The following SH3RF1 variants were observed in gnomAD, a reference collection of about 807,000 sequenced individuals.
The protein encoded by SH3RF1 is E3 ubiquitin-protein ligase SH3RF1.
In SH3RF1, 32 loss-of-function variants were observed where a neutral mutation model predicts 74.0. The observed-to-expected ratio is 0.43, with a 90% CI of 0.33 to 0.58. SH3RF1 has a LOEUF of 0.58. Among genes scored for constraint, SH3RF1 ranks in the 20% least tolerant of loss-of-function variants. The probability of loss-of-function intolerance (pLI) is 0.05; values close to 1 mark genes in which losing one functional copy is unlikely to be tolerated. For synonymous variants in SH3RF1, 396 were observed against 439.6 expected, an observed-to-expected ratio of 0.90 and a Z score of 1.24; for missense variants, 954 against 1,130.9, an observed-to-expected ratio of 0.84 and a Z score of 2.24.
chr4:169,140,401 T>C (rs59325299), intron 4 of SH3RF1, among the ~76,000 whole-genome samples: 28,324 of 152,172 alleles, frequency 0.19, 2,677 homozygotes, highest in Middle Eastern at 0.22. Context: ...CTAAAATACC[T>C]TCTTCCAAGC....
chr4:169,231,354 T>C (rs1354619276), intron 2 of SH3RF1, among the ~76,000 whole-genome samples: 1 of 152,032 alleles, frequency 6.6e-6, no homozygotes, highest in Non-Finnish European at 1.5e-5. Context: ...GATCACGAGG[T>C]CAGGAGTTCG....
At chr4:169,197,195 T>A (rs1734827932) in intron 2 of SH3RF1, among the ~76,000 whole-genome samples, 1 of 151,518 alleles carries the variant, frequency 6.6e-6, no homozygotes, top group African/African-American at 2.4e-5. Context: ...AAAGATGGGG[T>A]TTCACCATGT....
At chr4:169,263,579 C>A (rs960777700) in intron 2 of SH3RF1, among the ~76,000 whole-genome samples, 2 of 152,210 alleles carry the variant, frequency 1.3e-5, no homozygotes, top group Non-Finnish European at 2.9e-5. Context: ...CCACTACTTC[C>A]TTCAATTCTT....
chr4:169,179,141 A>G (rs1734468787), intron 2 of SH3RF1, among the ~76,000 whole-genome samples: 1 of 152,206 alleles, frequency 6.6e-6, no homozygotes, highest in Non-Finnish European at 1.5e-5. Flanking sequence ...TCACAAGGGC[A>G]ATTAAATCAG....
chr4:169,145,487 T>G (rs1421522702), intron 4 of SH3RF1, among the ~76,000 whole-genome samples: 1 of 150,682 alleles, frequency 6.6e-6, no homozygotes, highest in Non-Finnish European at 1.5e-5. Flanking sequence ...GATAGGTACA[T>G]TAAAAGCCCA....
intron 2 of SH3RF1, among the ~76,000 whole-genome samples, chr4:169,176,635 C>T (rs777188380): frequency 1.3e-5 from 2 of 152,114 alleles, no homozygotes; most frequent in African/African-American, 2.4e-5. Flanking sequence ...CAGTTTCCCA[C>T]GTTCAAGCGA....
intron 2 of SH3RF1, among the ~76,000 whole-genome samples, chr4:169,172,463 T>C (rs981867538): frequency 1.1e-4 from 16 of 152,262 alleles, no homozygotes; most frequent in Non-Finnish European, 2.9e-5. Flanking sequence ...TTAAATGTCA[T>C]TAACTTTATA....
At chr4:169,141,992 A>T (rs1733795004) in intron 4 of SH3RF1, among the ~76,000 whole-genome samples, 1 of 151,490 alleles carries the variant, frequency 6.6e-6, no homozygotes, top group Admixed American at 6.6e-5. Flanking sequence ...TTGTTTTTGT[A>T]TTTTTTTAGT....
intron 2 of SH3RF1, among the ~76,000 whole-genome samples, chr4:169,267,273 A>G (rs1159493465): frequency 6.6e-6 from 1 of 152,230 alleles, no homozygotes; most frequent in Non-Finnish European, 1.5e-5. Context: ...GGCAGTGTCA[A>G]CAACTAAGAT....
chr4:169,169,783 A>T (rs1184265312), intron 2 of SH3RF1, among the ~76,000 whole-genome samples: 1 of 152,122 alleles, frequency 6.6e-6, no homozygotes, highest in East Asian at 1.9e-4. Flanking sequence ...GCTGGAATGC[A>T]GTGGTGTGAT....
At chr4:169,183,492 G>A (rs1005633546) in intron 2 of SH3RF1, among the ~76,000 whole-genome samples, 5 of 152,012 alleles carry the variant, frequency 3.3e-5, no homozygotes, top group African/African-American at 1.2e-4. Flanking sequence ...TGTTGGCCAG[G>A]CTGGTCTCGA....
intron 11 of SH3RF1, among the ~76,000 whole-genome samples, chr4:169,100,428 G>A (rs1295352781): frequency 9.2e-5 from 14 of 151,930 alleles, no homozygotes; most frequent in Non-Finnish European, 1.2e-4. Flanking sequence ...CACAAACTCC[G>A]CCTCCTGGGT....
intron 2 of SH3RF1, among the ~76,000 whole-genome samples, chr4:169,170,626 C>G (rs913458046): frequency 8.5e-5 from 13 of 152,078 alleles, no homozygotes; most frequent in Non-Finnish European, 1.0e-4. Context: ...ATCTTCATAT[C>G]CTGGGGGCGC....
intron 2 of SH3RF1, among the ~76,000 whole-genome samples, chr4:169,223,577 T>A (rs576488680): frequency 6.6e-6 from 1 of 152,252 alleles, no homozygotes; most frequent in Admixed American, 6.5e-5. Context: ...CGACACACCA[T>A]GAATAAGACA....
chr4:169,109,871 T>G (rs1733210631), intron 10 of SH3RF1, among the ~76,000 whole-genome samples: 1 of 150,750 alleles, frequency 6.6e-6, no homozygotes, highest in Non-Finnish European at 1.5e-5. Flanking sequence ...TAGCCAGGTG[T>G]GGTGGTGCAT....
chr4:169,187,019 A>G (rs189652473), intron 2 of SH3RF1, among the ~76,000 whole-genome samples: 12 of 151,722 alleles, frequency 7.9e-5, no homozygotes, highest in Admixed American at 4.6e-4. Context: ...TCGCAAAAAA[A>G]AAAAAATGAA....
chr4:169,265,823 T>C (rs1354818768), intron 2 of SH3RF1, among the ~76,000 whole-genome samples: 1 of 152,206 alleles, frequency 6.6e-6, no homozygotes, highest in Admixed American at 6.5e-5. Flanking sequence ...CATATTTATG[T>C]TTACATATCA....
intron 4 of SH3RF1, among the ~76,000 whole-genome samples, chr4:169,150,688 G>A (rs974792730): frequency 3.3e-5 from 5 of 152,114 alleles, no homozygotes; most frequent in African/African-American, 9.7e-5. Flanking sequence ...CCCCATGTCC[G>A]AGGAATGGAG....
At position 169,095,540 on chromosome 4, in the gene SH3RF1, C is replaced by CT. The variant is rs894506334; in HGVS notation, c.*978dup. 6 of 152,728 alleles carry CT rather than the reference C, an allele frequency of 3.9e-5. No individual in the cohort carries two copies. The highest frequency in any genetic ancestry group is 2.0e-4 in the Admixed American group (3 of 15,300). 9.5% of individuals were successfully genotyped at this position (152,728 alleles called of 1,614,324 possible). Reference sequence around the variant, plus strand: ...TCACAGTGTTTCTTATAGCCTTTGACTTAACACGAGTGCATCACTTACCAC... The same window carrying CT: ...TCACAGTGTTTCTTATAGCCTTTGACTTTAACACGAGTGCATCACTTACCAC... On this transcript the variant is annotated 3_prime_UTR_variant, in exon 12 of 12. Coordinates refer to ENST00000284637, the MANE Select transcript of SH3RF1 (RefSeq NM_020870.4).
Sources: allele counts gnomAD v4.1 joint callset (sites outside exome capture counted in the v4.1 genomes callset), GRCh38; gene constraint gnomAD v4.1.1; transcripts MANE v1.5; gene names NCBI Gene and HGNC (gene_info 2026-07-23, HGNC 2026-07-21).